TULP3: variants seen among roughly 807,000 people sequenced by gnomAD.
TULP3 encodes tubby-related protein 3.
Under a neutral mutation model 50.7 loss-of-function variants are expected in TULP3, and 38 were observed. The ratio of observed to expected loss-of-function variants is 0.75; its 90% confidence interval spans 0.58 to 0.98. The LOEUF is 0.98. Among genes scored for constraint, TULP3 ranks in the 50% least tolerant of loss-of-function variants. TULP3 has a pLI of 0.00. For synonymous variants in TULP3, 183 were observed against 196.6 expected, an observed-to-expected ratio of 0.93 and a Z score of 0.58; for missense variants, 550 against 568.0, an observed-to-expected ratio of 0.97 and a Z score of 0.32.
At chr12:2,914,991 T>C (rs886446428) in intron 2 of TULP3, among the ~76,000 whole-genome samples, 15 of 150,328 alleles carry the variant, frequency 1.0e-4, no homozygotes, top group African/African-American at 2.9e-4. Flanking sequence ...GATTTTCTTT[T>C]CTTTTCTTTT....
intron 1 of TULP3, among the ~76,000 whole-genome samples, chr12:2,907,348 A>G (rs1458088634): frequency 2.0e-5 from 3 of 151,874 alleles, no homozygotes; most frequent in Non-Finnish European, 4.4e-5. Context: ...AGCAACGTGC[A>G]CCTATAGTCC....
At chr12:2,915,028 G>C (rs2098187828) in intron 2 of TULP3, among the ~76,000 whole-genome samples, 1 of 151,716 alleles carries the variant, frequency 6.6e-6, no homozygotes, top group South Asian at 2.1e-4. Flanking sequence ...TAGCCCTGTT[G>C]CCCAGGCTGG....
rs763413908 is a variant in TULP3 at position 2,909,512 on chromosome 12, T to A, written c.42-17T>A. 9.3e-6 allele frequency: 14 copies of A among 1,509,640 alleles called. No homozygotes were observed. Among genetic ancestry groups the A allele is most frequent in the Admixed American group, 4.4e-5 (2 of 45,352 alleles). 93.5% of individuals were successfully genotyped at this position (1,509,640 alleles called of 1,614,324 possible). A position where few individuals can be genotyped will look rare whatever the true frequency, so the allele number is the denominator to read the frequency against. On this transcript the variant is annotated splice_polypyrimidine_tract_variant and intron_variant, in intron 1 of 10. Transcript: ENST00000448120. ...TTTCTTTTTATATACTTGCTTTATTTTTTTTTTTTTTAACAGTGTCTTCCA... is the reference window on the plus strand; with the variant it reads ...TTTCTTTTTATATACTTGCTTTATTATTTTTTTTTTTAACAGTGTCTTCCA...
In TULP3 at chr12:2,939,747, AACAC is replaced by A. The variant is rs374088841; in HGVS notation, c.*310_*313del. On this transcript the variant is annotated 3_prime_UTR_variant, in exon 11 of 11. Transcript: ENST00000448120. The surrounding 1 kb of genome is among the most constrained non-coding windows in gnomAD (Gnocchi z 4.0). ...TTTGGAACGACCCCTGAATATATAAAACACACACACGAAGAGCAATAGTTTGCCC... is the reference window on the plus strand; with the variant it reads ...TTTGGAACGACCCCTGAATATATAAAACACACGAAGAGCAATAGTTTGCCC... 1 of 1,257,728 alleles carries A rather than the reference AACAC, an allele frequency of 8.0e-7. No homozygotes were observed. The highest frequency in any genetic ancestry group is 1.0e-6 in the Non-Finnish European group (1 of 987,496). 77.9% of individuals were successfully genotyped at this position (1,257,728 alleles called of 1,614,324 possible).
At position 2,938,373 on chromosome 12, in the gene TULP3, T is replaced by C. The variant is rs1036618006; in HGVS notation, c.1195+88T>C. 2.9e-6 allele frequency: 4 copies of C among 1,400,874 alleles called. No individual in the cohort carries two copies. In the Admixed American group the frequency reaches 8.9e-5, roughly 31 times the overall value. The allele number at this position is 1,400,874 out of a possible 1,614,324, so 86.8% of individuals were successfully genotyped here. ...CACATTCCCTGTACATGATAGGAAG[T>C]GACAGTCAGCAGATAATCATGGAGG... is the stretch of plus-strand genomic sequence containing the variant. On this transcript the variant is annotated intron_variant, in intron 10 of 10. Coordinates refer to ENST00000448120, the MANE Select transcript of TULP3 (RefSeq NM_003324.5).
Position 2,939,706 on chromosome 12 carries a change from G to A in TULP3, c.*262G>A, listed in dbSNP as rs572835351. The stretch of plus-strand genomic sequence containing the variant: ...TGAATATATAAAACACACACGAAGA[G>A]CAATAGTTTGCCCCTTTTGGAACGA... On this transcript the variant is annotated 3_prime_UTR_variant, in exon 11 of 11. Transcript: ENST00000448120. This position sits in a 1 kb window ranked among gnomAD's most constrained non-coding sequence, Gnocchi z 4.0. 1 of 1,353,774 alleles carries A rather than the reference G, an allele frequency of 7.4e-7. No individual in the cohort carries two copies. The highest frequency in any genetic ancestry group is 2.9e-5 in the East Asian group (1 of 33,960). The allele number at this position is 1,353,774 out of a possible 1,614,324, so 83.9% of individuals were successfully genotyped here.
chr12:2,929,291 T>C (rs1480434163), intron 4 of TULP3, among the ~76,000 whole-genome samples: 2 of 151,890 alleles, frequency 1.3e-5, no homozygotes, highest in East Asian at 1.9e-4. Context: ...CGCTCCAGCC[T>C]GGGCGACAGA....
chr12:2,939,282 C>T lies in TULP3; in HGVS notation c.1196-29C>T. The T allele has an allele frequency of 1.9e-6, 3 of 1,607,546 alleles. No homozygotes were observed. The highest frequency in any genetic ancestry group is 2.6e-6 in the Non-Finnish European group (3 of 1,175,884). ...TCCCTGAGTGCAACCACATTATATT[C>T]TAACATGTTGATTTCTTTCTGTTTC... On this transcript the variant is annotated intron_variant, in intron 10 of 10. Coordinates refer to ENST00000448120, the MANE Select transcript of TULP3 (RefSeq NM_003324.5). The surrounding 1 kb of genome is among the most constrained non-coding windows in gnomAD (Gnocchi z 4.0).
chr12:2,895,052 A>T, intron 1 of TULP3, among the ~76,000 whole-genome samples: 1 of 152,196 alleles, frequency 6.6e-6, no homozygotes, highest in East Asian at 1.9e-4. Flanking sequence ...TAATAAATGC[A>T]TTCTTTTAAC....
chr12:2,901,689 T>G (rs989713942), intron 1 of TULP3, among the ~76,000 whole-genome samples: 6 of 152,132 alleles, frequency 3.9e-5, no homozygotes, highest in African/African-American at 9.7e-5. Context: ...GGCTCCAATT[T>G]TTAGTTAGGT....
At chr12:2,907,104 G>A (rs1383530495) in intron 1 of TULP3, among the ~76,000 whole-genome samples, 2 of 152,076 alleles carry the variant, frequency 1.3e-5, no homozygotes, top group African/African-American at 2.4e-5. Flanking sequence ...TTGGGAAGCC[G>A]AGGTGGGCAG....
chr12:2,939,849 T>C lies in TULP3; in HGVS notation c.*405T>C. On this transcript the variant is annotated 3_prime_UTR_variant, in exon 11 of 11. Coordinates refer to ENST00000448120, the MANE Select transcript of TULP3 (RefSeq NM_003324.5). The surrounding 1 kb of genome is among the most constrained non-coding windows in gnomAD (Gnocchi z 4.0). ...ACTCTCACTCCTTTTCCAGGTTTCA[T>C]AGACTTGGTGAGGGATCACAGCTTA... 2 of 1,195,278 alleles carry C rather than the reference T, an allele frequency of 1.7e-6. No homozygotes were observed. Among genetic ancestry groups the C allele is most frequent in the Non-Finnish European group, 2.1e-6 (2 of 944,486 alleles). 74.0% of individuals were successfully genotyped at this position (1,195,278 alleles called of 1,614,324 possible).
intron 2 of TULP3, among the ~76,000 whole-genome samples, chr12:2,916,053 A>G (rs2098188478): frequency 6.6e-6 from 1 of 152,092 alleles, no homozygotes; most frequent in South Asian, 2.1e-4. Flanking sequence ...TCTGTTGCCC[A>G]GGCTGGAGTG....
At chr12:2,919,611 A>G (rs2153949495) in intron 2 of TULP3, among the ~76,000 whole-genome samples, 1 of 152,082 alleles carries the variant, frequency 6.6e-6, no homozygotes, top group East Asian at 1.9e-4. Context: ...TTGTTTTTTA[A>G]TCATGTCTTT....
At chr12:2,894,327 C>T (rs1301729461) in intron 1 of TULP3, among the ~76,000 whole-genome samples, 1 of 150,988 alleles carries the variant, frequency 6.6e-6, no homozygotes, top group Non-Finnish European at 1.5e-5. Context: ...CCTGAGGTCA[C>T]GAGTTCAAGA....
At chr12:2,937,771 A>G in intron 9 of TULP3, 42 bp downstream of exon 9, 1 of 1,454,132 alleles carries the variant, frequency 6.9e-7, no homozygotes, top group Non-Finnish European at 9.5e-7. Context: ...ACTCTAAAAG[A>G]CAGTAGTACA....
At chr12:2,924,853 AAAAAATAAAAATT>A (rs1191921085) in intron 4 of TULP3, among the ~76,000 whole-genome samples, 8 of 151,950 alleles carry the variant, frequency 5.3e-5, no homozygotes, top group Non-Finnish European at 8.8e-5. Flanking sequence ...ACCCTGTCTC[AAAAAATAAAAATT>A]AAAAATAAAA....
At chr12:2,917,670 G>A (rs1212134752) in intron 2 of TULP3, among the ~76,000 whole-genome samples, 1 of 152,016 alleles carries the variant, frequency 6.6e-6, no homozygotes, top group Non-Finnish European at 1.5e-5. Flanking sequence ...GAGGTCAGGA[G>A]ATCGAGACCA....
chr12:2,912,703 G>A (rs1021380616), intron 2 of TULP3, among the ~76,000 whole-genome samples: 3 of 152,162 alleles, frequency 2.0e-5, no homozygotes, highest in Admixed American at 1.3e-4. Flanking sequence ...AACTGTGTTC[G>A]AGAATTAGCT....
Sources: allele counts gnomAD v4.1 joint callset (sites outside exome capture counted in the v4.1 genomes callset), GRCh38; gene constraint gnomAD v4.1.1; non-coding constraint Gnocchi (gnomAD v3.1); transcripts MANE v1.5; gene names NCBI Gene and HGNC (gene_info 2026-07-23, HGNC 2026-07-21).